PBX3: variants seen among roughly 807,000 people sequenced by gnomAD.
The protein encoded by PBX3 is pre-B-cell leukemia transcription factor 3.
A neutral mutation model predicts 48.5 loss-of-function variants in PBX3; 14 were observed. That is an observed-to-expected ratio of 0.29 (90% CI 0.19 to 0.45). PBX3 has a LOEUF of 0.45. PBX3 is among the 20% of genes least tolerant of loss of function. PBX3 has a pLI of 1.00. For synonymous variants in PBX3, 210 were observed against 200.3 expected, an observed-to-expected ratio of 1.05 and a Z score of -0.41; for missense variants, 386 against 546.7, an observed-to-expected ratio of 0.71 and a Z score of 2.93.
At chr9:125,781,493 A>T (rs1047971457) in intron 2 of PBX3, among the ~76,000 whole-genome samples, 14 of 147,118 alleles carry the variant, frequency 9.5e-5, no homozygotes, top group Admixed American at 6.2e-4. Flanking sequence ...TCGGCTAGGC[A>T]TCAGAGGGAG....
chr9:125,893,593 A>G (rs199974537), intron 2 of PBX3, among the ~76,000 whole-genome samples: 9,066 of 151,702 alleles, frequency 0.06, 629 homozygotes, highest in East Asian at 0.17. Flanking sequence ...GCCCCATGTG[A>G]TTGTTTGAAA....
At chr9:125,880,018 A>C (rs746369640) in intron 2 of PBX3, among the ~76,000 whole-genome samples, 15 of 152,182 alleles carry the variant, frequency 9.9e-5, no homozygotes, top group Non-Finnish European at 1.9e-4. Flanking sequence ...AATAGTAATA[A>C]TAGTAGCTGT....
At chr9:125,783,624 C>T (rs1160090614) in intron 2 of PBX3, among the ~76,000 whole-genome samples, 1 of 152,132 alleles carries the variant, frequency 6.6e-6, no homozygotes, top group East Asian at 1.9e-4. Context: ...TGCTAATACT[C>T]TGTTTTTGTT....
intron 2 of PBX3, among the ~76,000 whole-genome samples, chr9:125,802,992 A>C (rs1297752465): frequency 6.7e-6 from 1 of 149,080 alleles, no homozygotes; most frequent in African/African-American, 2.5e-5. Context: ...TATTTTTTAG[A>C]AGATACAATG....
At chr9:125,798,944 T>A (rs1234111539) in intron 2 of PBX3, among the ~76,000 whole-genome samples, 5 of 152,152 alleles carry the variant, frequency 3.3e-5, no homozygotes, top group Middle Eastern at 3.4e-3. Context: ...ATATTAATTT[T>A]AAAAAATAGC....
chr9:125,896,438 C>G (rs1564161568), intron 2 of PBX3, among the ~76,000 whole-genome samples: 1 of 152,040 alleles, frequency 6.6e-6, no homozygotes, highest in East Asian at 1.9e-4. Flanking sequence ...GGGCATACCT[C>G]TACATAAAGT....
At chr9:125,953,745 A>C (rs948132746) in intron 5 of PBX3, among the ~76,000 whole-genome samples, 9 of 150,824 alleles carry the variant, frequency 6.0e-5, no homozygotes, top group African/African-American at 2.2e-4. Context: ...TGTTACCCGA[A>C]TGAGTCCTGT....
intron 3 of PBX3, among the ~76,000 whole-genome samples, chr9:125,925,200 T>C (rs897561775): frequency 6.6e-6 from 1 of 152,180 alleles, no homozygotes; most frequent in Admixed American, 6.5e-5. Flanking sequence ...TGGTGAAAAA[T>C]TTTAAAATAT....
At chr9:125,936,148 G>A (rs890655602) in intron 5 of PBX3, among the ~76,000 whole-genome samples, 6 of 152,024 alleles carry the variant, frequency 3.9e-5, no homozygotes, top group Non-Finnish European at 7.4e-5. Context: ...TTCTGATTTT[G>A]GGGTTTTTAA....
rs187083682 is a variant in PBX3 at position 125,900,515 on chromosome 9, T to C, written c.275-15171T>C. On this transcript the variant is annotated intron_variant, in intron 2 of 8. Transcript: ENST00000373489. ...TAATGACAGTTTAAAACTTCAGGCT[T>C]CCTATATAACCCAGGTGACCCCAGC... Among the ~76,000 whole-genome samples, 475 of 151,706 alleles carry C rather than the reference T, an allele frequency of 3.1e-3. 9 individuals carry two copies. Among genetic ancestry groups the C allele is most frequent in the Non-Finnish European group, 9.4e-4 (64 of 67,738 alleles).
chr9:125,879,003 A>G (rs943251609), intron 2 of PBX3, among the ~76,000 whole-genome samples: 1 of 151,948 alleles, frequency 6.6e-6, no homozygotes, highest in African/African-American at 2.4e-5. Context: ...TGTGTATTTT[A>G]CATATTTCAG....
chr9:125,895,487 A>G (rs935266943), intron 2 of PBX3, among the ~76,000 whole-genome samples: 4 of 151,864 alleles, frequency 2.6e-5, no homozygotes, highest in African/African-American at 7.3e-5. Flanking sequence ...ATTTTCTTTC[A>G]CCCCTTGGAA....
intron 2 of PBX3, among the ~76,000 whole-genome samples, chr9:125,805,398 A>G (rs757574179): frequency 6.6e-6 from 1 of 152,192 alleles, no homozygotes; most frequent in Non-Finnish European, 1.5e-5. Context: ...TGTTCCATGC[A>G]GTGGGAAGCG....
At chr9:125,824,593 A>G (rs1415838446) in intron 2 of PBX3, among the ~76,000 whole-genome samples, 2 of 152,188 alleles carry the variant, frequency 1.3e-5, no homozygotes, top group Non-Finnish European at 2.9e-5. Flanking sequence ...CCTAGTTTAT[A>G]AGGAAGTTAA....
intron 2 of PBX3, among the ~76,000 whole-genome samples, chr9:125,762,459 T>A (rs192828032): frequency 2.7e-4 from 41 of 152,326 alleles, no homozygotes; most frequent in African/African-American, 9.1e-4. Context: ...ACTGACTGTT[T>A]AATGTTTTCT....
chr9:125,800,500 A>G (rs963087687), intron 2 of PBX3, among the ~76,000 whole-genome samples: 1 of 152,110 alleles, frequency 6.6e-6, no homozygotes, highest in African/African-American at 2.4e-5. Flanking sequence ...CTATTATTAT[A>G]CCTATTTAGT....
intron 2 of PBX3, among the ~76,000 whole-genome samples, chr9:125,806,235 G>A (rs961514512): frequency 2.6e-5 from 4 of 152,184 alleles, no homozygotes; most frequent in African/African-American, 9.7e-5. Context: ...TTCTGTGGTA[G>A]GAGCATGCTT....
At chr9:125,943,908 G>A (rs904353275) in intron 5 of PBX3, among the ~76,000 whole-genome samples, 6 of 152,160 alleles carry the variant, frequency 3.9e-5, no homozygotes, top group Non-Finnish European at 7.4e-5. Context: ...CCTGAAAAAA[G>A]GCAGCCTTAT....
chr9:125,948,720 G>GTA (rs386416228), intron 5 of PBX3, among the ~76,000 whole-genome samples: 5,438 of 149,740 alleles, frequency 0.036, 287 homozygotes, highest in African/African-American at 0.11. Flanking sequence ...GTGTGTGTGT[G>GTA]TATATATATA....
Sources: allele counts gnomAD v4.1 joint callset (sites outside exome capture counted in the v4.1 genomes callset), GRCh38; gene constraint gnomAD v4.1.1; transcripts MANE v1.5; gene names NCBI Gene and HGNC (gene_info 2026-07-23, HGNC 2026-07-21).